Variants in FRMPD1 observed in about 807,000 individuals in gnomAD.
FRMPD1 encodes the protein FERM and PDZ domain containing 1.
A neutral mutation model predicts 117.8 loss-of-function variants in FRMPD1; 76 were observed. That is an observed-to-expected ratio of 0.65 (90% confidence interval 0.54 to 0.78). FRMPD1 has a LOEUF of 0.78. Among genes scored for constraint, FRMPD1 ranks in the 30% least tolerant of loss-of-function variants. FRMPD1 has a pLI of 0.00. For synonymous variants in FRMPD1, 783 were observed against 770.4 expected, an observed-to-expected ratio of 1.02 and a Z score of -0.27; for missense variants, 1,786 against 1,964.5, an observed-to-expected ratio of 0.91 and a Z score of 1.72.
chr9:37,719,333 A>T (rs1425814834), intron 6 of FRMPD1, among the ~76,000 whole-genome samples, 157 bp downstream of exon 6: 2 of 152,236 alleles, frequency 1.3e-5, no homozygotes, highest in African/African-American at 4.8e-5. Context: ...AGATGCCTGC[A>T]GACCCTGGAC....
At chr9:37,634,749 ATTT>A in the FRMPD1 span, among the ~76,000 whole-genome samples, 1 of 149,124 alleles carries the variant, frequency 6.7e-6, no homozygotes, top group African/African-American at 2.5e-5. Flanking sequence ...AATTTTGGAG[ATTT>A]TTTTTCTTCT....
At chr9:37,607,514 C>T in the FRMPD1 span, among the ~76,000 whole-genome samples, 1 of 152,204 alleles carries the variant, frequency 6.6e-6, no homozygotes, top group Non-Finnish European at 1.5e-5. Flanking sequence ...GGTACATCCA[C>T]CTGTATCCTT....
At chr9:37,636,618 G>T in the FRMPD1 span, 1 of 1,148,980 alleles carries the variant, frequency 8.7e-7, no homozygotes, top group Non-Finnish European at 1.2e-6. Context: ...GAAGAGGGAG[G>T]CACCTCCTGT....
At chr9:37,666,075 T>G (rs551312261) in intron 1 of FRMPD1, among the ~76,000 whole-genome samples, 1 of 152,330 alleles carries the variant, frequency 6.6e-6, no homozygotes, top group Middle Eastern at 3.4e-3. Context: ...CACAGTGTTC[T>G]TGGGTGAGAA....
chr9:37,715,664 T>C, intron 5 of FRMPD1: 2 of 456,266 alleles, frequency 4.4e-6, no homozygotes, highest in Middle Eastern at 3.3e-4. Context: ...CTTTAAAATA[T>C]GAGATGGCTG....
intron 1 of FRMPD1, among the ~76,000 whole-genome samples, chr9:37,655,576 T>C (rs1434951688): frequency 1.4e-5 from 2 of 145,940 alleles, no homozygotes; most frequent in Non-Finnish European, 3.0e-5. Context: ...CGATCTCGGC[T>C]CACTGCAACC....
intron 2 of FRMPD1, among the ~76,000 whole-genome samples, chr9:37,703,558 A>T (rs1043659113): frequency 2.0e-5 from 3 of 152,152 alleles, no homozygotes; most frequent in Non-Finnish European, 4.4e-5. Flanking sequence ...ATACCATACA[A>T]TTCCCCCATT....
the FRMPD1 span, among the ~76,000 whole-genome samples, chr9:37,634,264 CTTA>C: frequency 2.0e-5 from 3 of 152,114 alleles, no homozygotes; most frequent in Non-Finnish European, 4.4e-5. Flanking sequence ...CCAGTGTTTA[CTTA>C]TTATGACTTT....
the FRMPD1 span, among the ~76,000 whole-genome samples, chr9:37,609,842 C>A: frequency 6.6e-6 from 1 of 152,200 alleles, no homozygotes; most frequent in Non-Finnish European, 1.5e-5. Context: ...CCTCCTTGCT[C>A]TTCCTCAGGA....
chr9:37,743,502 T>C (rs1824519064), intron 15 of FRMPD1, among the ~76,000 whole-genome samples: 1 of 145,288 alleles, frequency 6.9e-6, no homozygotes, highest in Admixed American at 7.1e-5. Context: ...GCTATTGTGG[T>C]TGGAAAGAAT....
chr9:37,626,488 G>A, the FRMPD1 span, among the ~76,000 whole-genome samples: 1 of 112,880 alleles, frequency 8.9e-6, no homozygotes. Flanking sequence ...CTGGACGACA[G>A]AGACTTAGTC....
At chr9:37,656,626 G>A (rs1175010882) in intron 1 of FRMPD1, among the ~76,000 whole-genome samples, 2 of 152,050 alleles carry the variant, frequency 1.3e-5, no homozygotes, top group African/African-American at 4.8e-5. Flanking sequence ...CATGGAAGCA[G>A]TACTAACAGT....
chr9:37,740,645 A>G lies in FRMPD1; in HGVS notation c.2117A>G (p.Tyr706Cys). 1.9e-6 allele frequency: 3 copies of G among 1,614,124 alleles called. No individual in the cohort carries two copies. The highest frequency in any genetic ancestry group is 2.2e-5 in the East Asian group (1 of 44,868). ...CTGTATGAAGGCAGCCACGCTGACT[A>G]CTACAGCCTGTGTTCCAGTGTCTCC... ...PRLYEGSHAD[Y>C]YSLCSSVSPA... is the part of the protein sequence containing the mutation. The change falls in exon 15 of 16, where the codon TAC becomes TGC. Residue 706 changes from tyrosine (Y) to cysteine (C), a missense_variant. Physicochemically the swap from Tyr to Cys is radical, Grantham distance 194. Transcript: ENST00000377765. The surrounding 1 kb of genome is among the most constrained non-coding windows in gnomAD (Gnocchi z 4.2).
At chr9:37,707,696 G>A in intron 3 of FRMPD1, 123 bp downstream of exon 3, 3 of 810,950 alleles carry the variant, frequency 3.7e-6, no homozygotes, top group South Asian at 1.8e-5. Context: ...GTTAGAAAAG[G>A]CACACCTAAT....
At chr9:37,722,811 G>T (rs1302673791) in intron 6 of FRMPD1, among the ~76,000 whole-genome samples, 2 of 151,822 alleles carry the variant, frequency 1.3e-5, no homozygotes, top group Non-Finnish European at 2.9e-5. Context: ...AAGTTTTAGG[G>T]TACATGTGCA....
chr9:37,606,008 T>C, the FRMPD1 span, among the ~76,000 whole-genome samples: 1 of 152,146 alleles, frequency 6.6e-6, no homozygotes, highest in Non-Finnish European at 1.5e-5. Flanking sequence ...CACTCAGCCT[T>C]ACGGAAGTTT....
the FRMPD1 span, among the ~76,000 whole-genome samples, chr9:37,606,579 G>T: frequency 0.15 from 22,623 of 152,106 alleles, 2,121 homozygotes; most frequent in Admixed American, 0.2. Flanking sequence ...TTTTCTTCTG[G>T]CACCACCACG....
In FRMPD1 at chr9:37,654,680, TC is replaced by T. The variant is rs761184473; in HGVS notation, c.-5+3588del. On this transcript the variant is annotated intron_variant, in intron 1 of 15. Transcript: ENST00000377765. Reference sequence around the variant, plus strand: ...GAGGGTGAGAGAAGGAGGAAACTGTTCCAGGCTGAAGGAACAGCAAATGCTA... The same window carrying T: ...GAGGGTGAGAGAAGGAGGAAACTGTTCAGGCTGAAGGAACAGCAAATGCTA... 7.8e-4 allele frequency among the ~76,000 whole-genome samples: 119 copies of T among 152,322 alleles called. No homozygotes were observed. In the Middle Eastern group the frequency reaches 0.017, roughly 22 times the overall value.
intron 1 of FRMPD1, among the ~76,000 whole-genome samples, chr9:37,678,081 C>A (rs1050970806): frequency 3.3e-5 from 5 of 152,010 alleles, no homozygotes; most frequent in Non-Finnish European, 5.9e-5. Flanking sequence ...CGTGGCTAAG[C>A]CCTTGGCTGG....
Sources: gnomAD v4.1 joint callset for allele counts (sites outside exome capture counted in the v4.1 genomes callset) on GRCh38, gnomAD v4.1.1 for gene constraint, Gnocchi (gnomAD v3.1) non-coding constraint, MANE v1.5 for transcripts, NCBI Gene and HGNC (gene_info 2026-07-23, HGNC 2026-07-21) for gene names.